MUL1: variants seen among roughly 807,000 people sequenced by gnomAD.
MUL1 encodes mitochondrial ubiquitin ligase activator of NFKB 1.
In MUL1, 30 loss-of-function variants were observed where a neutral mutation model predicts 34.1. The observed-to-expected ratio is 0.88, with a 90% CI of 0.66 to 1.19. MUL1 has a LOEUF of 1.19. Among genes scored for constraint, MUL1 ranks in the 50% most tolerant of loss-of-function variants. The pLI is 0.00. For missense variants in MUL1, 419 were observed against 450.5 expected (o/e 0.93, Z 0.63); for synonymous variants, 191 against 187.8 (o/e 1.02, Z -0.14).
At position 20,503,248 on chromosome 1, in the gene MUL1, T is replaced by C. The variant is rs1473274553; in HGVS notation, c.182A>G (p.Lys61Arg). The C allele has an allele frequency of 6.2e-7, 1 of 1,610,772 alleles. No homozygotes were observed. The highest frequency in any genetic ancestry group is 8.5e-7 in the Non-Finnish European group (1 of 1,178,782). The change falls in exon 2 of 4, where the codon AAA becomes AGA. Residue 61 changes from lysine to arginine, a missense_variant. Physicochemically the swap from Lys to Arg is conservative, Grantham distance 26 (BLOSUM62 2). Transcript: ENST00000264198. ...TTCTATAACAGCATAAGGCACGCAT[T>C]TTCCTGGAGCTTCTGAAAGAATACT... ...LKSILSEAPG[K>R]CVPYAVIEGA...
rs1001635700 is a variant in MUL1 at position 20,508,087 on chromosome 1, T to C, written c.-63A>G. ...GGATAGGCCTGGTGACCCCCGACTC[T>C]CCACCTCCTTCCGACCAGGACCGCA... On this transcript the variant is annotated 5_prime_UTR_variant, in exon 1 of 4. Coordinates refer to ENST00000264198, the MANE Select transcript of MUL1 (RefSeq NM_024544.3). 1.0e-5 allele frequency: 16 copies of C among 1,541,006 alleles called. No homozygotes were observed. Among genetic ancestry groups the C allele is most frequent in the African/African-American group, 2.7e-5 (2 of 73,648 alleles).
At position 20,500,438 on chromosome 1, in the gene MUL1, G is replaced by A. The variant is rs2051642256; in HGVS notation, c.*252C>T. ...ACTCGCACTGATCTGGCTCCTGGGA[G>A]GAGACGCCACGGCATCCTCCCAGGG... On this transcript the variant is annotated 3_prime_UTR_variant, in exon 4 of 4. Transcript: ENST00000264198. 3 of 433,024 alleles carry A rather than the reference G, an allele frequency of 6.9e-6. No individual in the cohort carries two copies. The Admixed American group carries it at 1.2e-4, about 17-fold the overall frequency. The allele number at this position is 433,024 out of a possible 1,614,324, so 26.8% of individuals were successfully genotyped here. A position where few individuals can be genotyped will look rare whatever the true frequency, so the allele number is the denominator to read the frequency against.
intron 1 of MUL1, among the ~76,000 whole-genome samples, chr1:20,505,582 CAAAAAA>C (rs11338654): frequency 1.7e-5 from 1 of 57,158 alleles, no homozygotes; most frequent in Non-Finnish European, 3.0e-5. Context: ...GACCATGTCT[CAAAAAA>C]AAAAAAAAAA....
In MUL1 at chr1:20,503,281, T is replaced by C; in HGVS notation, c.149A>G (p.Asp50Gly). ...AGCTTCTGAAAGAATACTCTTTAAA[T>C]CTTCACCCAAATGAACTTTTTTAGC... ...KGAKKVHLGE[D>G]LKSILSEAPG... Residue 50 changes from aspartate to glycine, a missense_variant, in exon 2 of 4, where the codon GAT becomes GGT. Transcript: ENST00000264198. The C allele has an allele frequency of 5.0e-6, 8 of 1,606,308 alleles. No individual in the cohort carries two copies. The highest frequency in any genetic ancestry group is 5.9e-6 in the Non-Finnish European group (7 of 1,177,166).
chr1:20,503,152 A>G (rs2051680762), intron 2 of MUL1, 70 bp downstream of exon 2: 1 of 1,150,688 alleles, frequency 8.7e-7, no homozygotes, highest in Admixed American at 2.1e-5. Flanking sequence ...TCTTCATATT[A>G]GCCAAGATGA....
chr1:20,502,244 A>G, intron 2 of MUL1, 55 bp from the exon 3 acceptor site: 1 of 1,609,810 alleles, frequency 6.2e-7, no homozygotes, highest in Non-Finnish European at 8.5e-7. Context: ...CTCTCCTTTC[A>G]GATAATTTAA....
chr1:20,505,613 G>A (rs2051706657), intron 1 of MUL1, among the ~76,000 whole-genome samples: 6 of 141,024 alleles, frequency 4.3e-5, no homozygotes, highest in Admixed American at 1.4e-4. Context: ...AAAAGAAGAG[G>A]AAAAAGAAAA....
chr1:20,505,451 T>A (rs2051704070), intron 1 of MUL1, among the ~76,000 whole-genome samples: 1 of 150,888 alleles, frequency 6.6e-6, no homozygotes. Flanking sequence ...GAGGTGGTGG[T>A]GTGCACCTGT....
At position 20,503,315 on chromosome 1, in the gene MUL1, T is replaced by TA. The variant is rs60519890; in HGVS notation, c.121-7dup. The TA allele has an allele frequency of 0.039, 47,085 of 1,220,318 alleles. 5 individuals carry two copies. Among genetic ancestry groups the TA allele is most frequent in the East Asian group, 0.066 (1,881 of 28,608 alleles). 75.6% of individuals were successfully genotyped at this position (1,220,318 alleles called of 1,614,324 possible). The stretch of plus-strand genomic sequence containing the variant: ...AAATGAACTTTTTTAGCTCCCTAAA[T>TA]AAAAAAAAAAAATTAAATTAATTGG... On this transcript the variant is annotated splice_region_variant and splice_polypyrimidine_tract_variant and intron_variant, in intron 1 of 3. Transcript: ENST00000264198.
At position 20,503,189 on chromosome 1, in the gene MUL1, C is replaced by T. The variant is rs765573965; in HGVS notation, c.208+33G>A. 10 of 1,426,614 alleles carry T rather than the reference C, an allele frequency of 7.0e-6. No individual in the cohort carries two copies. The Admixed American group carries it at 1.1e-4, about 15-fold the overall frequency. The allele number at this position is 1,426,614 out of a possible 1,614,324, so 88.4% of individuals were successfully genotyped here. A position where few individuals can be genotyped will look rare whatever the true frequency, so the allele number is the denominator to read the frequency against. On this transcript the variant is annotated intron_variant, in intron 2 of 3. Coordinates refer to ENST00000264198, the MANE Select transcript of MUL1 (RefSeq NM_024544.3). ...CTTTATCAATCTTTTGGGAAAAAGA[C>T]GTTGTTTTCCATTGACCAATAAGCA...
In MUL1 at chr1:20,500,866, T is replaced by G. The variant is rs767810635; in HGVS notation, c.883A>C (p.Arg295=). ...ACACAGGCGCTCTTCAGACTCTCCC[T>G]GTCCTCAGGCTTGGCTCGGCTCAGC... ...QLLSRAKPED[R]ESLKSACVVC... Residue 295 remains arginine (R), a synonymous_variant, in exon 4 of 4, where the codon AGG becomes CGG. Coordinates refer to ENST00000264198, the MANE Select transcript of MUL1 (RefSeq NM_024544.3). 1 of 1,614,182 alleles carries G rather than the reference T, an allele frequency of 6.2e-7. No homozygotes were observed. The highest frequency in any genetic ancestry group is 8.5e-7 in the Non-Finnish European group (1 of 1,180,018).
rs1447253913 is a variant in MUL1, at chr1:20,500,740, G to T, written c.1009C>A (p.Pro337Thr). 4 of 1,609,074 alleles carry T rather than the reference G, an allele frequency of 2.5e-6. No individual in the cohort carries two copies. The highest frequency in any genetic ancestry group is 3.4e-6 in the Non-Finnish European group (4 of 1,177,418). The change falls in exon 4 of 4, where the codon CCT becomes ACT. Residue 337 changes from proline (P) to threonine (T), a missense_variant. Physicochemically the swap from Pro to Thr is conservative, Grantham distance 38. Transcript: ENST00000264198. ...YRALPEPKKC[P>T]ICRQAITRVI... ...CGGGTGATCGCCTGTCTGCAGATAG[G>T]GCACTTCTTGGGCTCTGGCAAGGCG...
rs761396299 is a variant in MUL1, at chr1:20,500,972, G to T, written c.777C>A (p.Leu259=). The T allele has an allele frequency of 5.0e-6, 8 of 1,614,092 alleles. No individual in the cohort carries two copies. Among genetic ancestry groups the T allele is most frequent in the Non-Finnish European group, 6.8e-6 (8 of 1,180,048 alleles). ...FATCATLFFI[L]RKQYLQRQER... is the part of the protein sequence containing the mutation. ...CCTGCCGCTGCAGATACTGCTTCCG[G>T]AGAATGAAGAAGAGGGTGGCACATG... The change falls in exon 4 of 4, where the codon CTC becomes CTA. Residue 259 remains leucine (L), a synonymous_variant. Transcript: ENST00000264198.
At position 20,501,563 on chromosome 1, in the gene MUL1, TAACA is replaced by T; in HGVS notation, c.330-148_330-145del. 1.5e-5 allele frequency: 14 copies of T among 917,262 alleles called. No homozygotes were observed. Among genetic ancestry groups the T allele is most frequent in the Non-Finnish European group, 2.1e-5 (13 of 624,380 alleles). The allele number at this position is 917,262 out of a possible 1,614,324, so 56.8% of individuals were successfully genotyped here. On this transcript the variant is annotated intron_variant, in intron 3 of 3. Coordinates refer to ENST00000264198, the MANE Select transcript of MUL1 (RefSeq NM_024544.3). The surrounding 1 kb of genome is among the most constrained non-coding windows in gnomAD (Gnocchi z 4.2). ...AAGATCACTATCTCCAGTTGCCTCC[TAACA>T]AGGAGGCTCCATTTGTAGGTCCTGG...
chr1:20,504,902 C>T lies in MUL1; in HGVS notation c.121-1593G>A, dbSNP rs186513982. Reference sequence around the variant, plus strand: ...AGACATTATTATCACCAATTACAGACAAGGAAACAGGCTCAGAGAGGTGAA... The same window carrying T: ...AGACATTATTATCACCAATTACAGATAAGGAAACAGGCTCAGAGAGGTGAA... On this transcript the variant is annotated intron_variant, in intron 1 of 3. Transcript: ENST00000264198. Among the ~76,000 whole-genome samples, 359 of 152,304 alleles carry T rather than the reference C, an allele frequency of 2.4e-3. 2 individuals are homozygous for T. The highest frequency in any genetic ancestry group is 8.0e-3 in the African/African-American group (334 of 41,556).
Position 20,501,982 on chromosome 1 carries a change from G to T in MUL1, c.329+87C>A. 1 of 1,558,008 alleles carries T rather than the reference G, an allele frequency of 6.4e-7. No homozygotes were observed. The highest frequency in any genetic ancestry group is 1.4e-5 in the African/African-American group (1 of 73,822). ...TGGGCTTCAACCTGTCTCAGGAGAA[G>T]CTGAAGTCACGGCAACAGCACCCAG... is the stretch of plus-strand genomic sequence containing the variant. On this transcript the variant is annotated intron_variant, in intron 3 of 3. Coordinates refer to ENST00000264198, the MANE Select transcript of MUL1 (RefSeq NM_024544.3). The surrounding 1 kb of genome is among the most constrained non-coding windows in gnomAD (Gnocchi z 4.2).
chr1:20,505,369 G>A (rs1297506626), intron 1 of MUL1, among the ~76,000 whole-genome samples: 1 of 152,000 alleles, frequency 6.6e-6, no homozygotes, highest in African/African-American at 2.4e-5. Context: ...ATAGCTGCTT[G>A]AGGCCAGCAG....
Position 20,507,864 on chromosome 1 carries a change from A to T in MUL1, c.120+41T>A, listed in dbSNP as rs185745323. The T allele has an allele frequency of 8.8e-6, 14 of 1,584,708 alleles. No homozygotes were observed. In the Admixed American group the frequency reaches 9.0e-5, roughly 10 times the overall value. On this transcript the variant is annotated intron_variant, in intron 1 of 3. Coordinates refer to ENST00000264198, the MANE Select transcript of MUL1 (RefSeq NM_024544.3). ...TCATGGGCTCCCCAGCACCTGGGACAGAGATGACCCGGCTGAGGCCAGGCC... is the reference window on the plus strand; with the variant it reads ...TCATGGGCTCCCCAGCACCTGGGACTGAGATGACCCGGCTGAGGCCAGGCC...
At chr1:20,503,407 G>T (rs559483447) in intron 1 of MUL1, 98 bp from the exon 2 acceptor site, 4 of 694,070 alleles carry the variant, frequency 5.8e-6, no homozygotes, top group Admixed American at 3.2e-5. Context: ...TATTTTTTTC[G>T]TGTCAAGAGA....
Sources: gnomAD v4.1 joint callset for allele counts (sites outside exome capture counted in the v4.1 genomes callset) on GRCh38, gnomAD v4.1.1 for gene constraint, Gnocchi (gnomAD v3.1) non-coding constraint, MANE v1.5 for transcripts, NCBI Gene and HGNC (gene_info 2026-07-23, HGNC 2026-07-21) for gene names.